The following EVI5 variants were observed in gnomAD, a reference collection of about 807,000 sequenced individuals.
EVI5 encodes ecotropic viral integration site 5, also known as ecotropic viral integration site 5 protein homolog.
In EVI5, 73 loss-of-function variants were observed where a neutral mutation model predicts 112.0. The ratio of observed to expected loss-of-function variants is 0.65; its 90% CI spans 0.54 to 0.79. The LOEUF (loss-of-function observed/expected upper bound fraction) is 0.79, where lower values mean the gene tolerates loss of function less well. EVI5 is among the 30% of genes least tolerant of loss of function. The probability of loss-of-function intolerance (pLI) is 0.00; values close to 1 mark genes in which losing one functional copy is unlikely to be tolerated. For missense variants in EVI5, 900 were observed against 968.8 expected, an observed-to-expected ratio of 0.93 and a Z score of 0.94; for synonymous variants, 305 against 319.9, an observed-to-expected ratio of 0.95 and a Z score of 0.50.
At chr1:92,757,074 G>A in intron 1 of EVI5, 1 of 173,878 alleles carries the variant, frequency 5.8e-6, no homozygotes, top group South Asian at 1.4e-4. Context: ...GAACTCTTCA[G>A]GTACCAGCAC....
intron 16 of EVI5, among the ~76,000 whole-genome samples, chr1:92,608,834 G>A (rs901420470): frequency 6.6e-6 from 1 of 152,086 alleles, no homozygotes; most frequent in Non-Finnish European, 1.5e-5. Context: ...TTTTTATGAA[G>A]CACACAGATT....
intron 19 of EVI5, among the ~76,000 whole-genome samples, chr1:92,537,423 G>A (rs1664081539): frequency 6.6e-6 from 1 of 152,068 alleles, no homozygotes; most frequent in Admixed American, 6.5e-5. Context: ...ACTTTTCATG[G>A]AAAGATCTAA....
chr1:92,627,132 C>A (rs1655852312), intron 14 of EVI5, among the ~76,000 whole-genome samples: 1 of 152,138 alleles, frequency 6.6e-6, no homozygotes, highest in Non-Finnish European at 1.5e-5. Context: ...ATACACTGCA[C>A]CTTATTTGTA....
chr1:92,771,417 C>T (rs1206522065), intron 1 of EVI5, among the ~76,000 whole-genome samples: 1 of 143,090 alleles, frequency 7.0e-6, no homozygotes, highest in Non-Finnish European at 1.5e-5. Flanking sequence ...TCTTTTCCTC[C>T]ACAGTGTTCA....
Position 92,631,506 on chromosome 1 carries a change from C to T in EVI5, c.1527+4696G>A, listed in dbSNP as rs556073411. ...TGTCTGTTATTGGTGTATAAGAATG[C>T]TTGTGGTTTTTGCACACTGATTTTG... On this transcript the variant is annotated intron_variant, in intron 14 of 19. Coordinates refer to ENST00000684568, the MANE Select transcript of EVI5 (RefSeq NM_001350197.2). Among the ~76,000 whole-genome samples the T allele has an allele frequency of 1.8e-4, 28 of 152,258 alleles. No homozygotes were observed. The South Asian group carries it at 3.3e-3, about 18-fold the overall frequency.
At chr1:92,613,856 G>A (rs1333766851) in intron 16 of EVI5, among the ~76,000 whole-genome samples, 1 of 152,216 alleles carries the variant, frequency 6.6e-6, no homozygotes, top group Non-Finnish European at 1.5e-5. Context: ...CTCCCAAAGT[G>A]TTGGGGATTA....
intron 1 of EVI5, among the ~76,000 whole-genome samples, chr1:92,745,473 G>C (rs968280101): frequency 9.9e-5 from 15 of 152,082 alleles, no homozygotes; most frequent in African/African-American, 3.6e-4. Flanking sequence ...TGCTTACACT[G>C]TTATATTATA....
intron 12 of EVI5, 52 bp downstream of exon 12, chr1:92,663,368 T>A (rs1157734713): frequency 1.7e-5 from 15 of 900,420 alleles, no homozygotes; most frequent in Non-Finnish European, 2.4e-5. Flanking sequence ...AGGACTTTCC[T>A]TAGAAGTTAG....
chr1:92,569,630 C>T (rs945691049), intron 18 of EVI5, among the ~76,000 whole-genome samples: 33 of 151,834 alleles, frequency 2.2e-4, no homozygotes, highest in South Asian at 2.1e-4. Flanking sequence ...CCGAGGCAGG[C>T]GGATCACGAG....
At chr1:92,783,483 TAAAAAAAA>T (rs774619273) in intron 1 of EVI5, among the ~76,000 whole-genome samples, 24 of 24,262 alleles carry the variant, frequency 9.9e-4, no homozygotes, top group African/African-American at 3.5e-3. Flanking sequence ...GACTCAGCCT[TAAAAAAAA>T]AAAAAAAAAA....
At chr1:92,659,166 AG>A (rs1215457743) in intron 13 of EVI5, among the ~76,000 whole-genome samples, 4 of 152,180 alleles carry the variant, frequency 2.6e-5, no homozygotes, top group Admixed American at 6.5e-5. Context: ...AAACCTGGGA[AG>A]AACCTATCTG....
chr1:92,756,828 G>A (rs973510852), intron 1 of EVI5: 2 of 513,354 alleles, frequency 3.9e-6, no homozygotes, highest in Non-Finnish European at 4.0e-6. Context: ...TTGGGCACAT[G>A]CGCACTGGTA....
chr1:92,668,622 T>C (rs1572200424), intron 10 of EVI5, among the ~76,000 whole-genome samples: 1 of 152,312 alleles, frequency 6.6e-6, no homozygotes, highest in East Asian at 1.9e-4. Flanking sequence ...TCATTATAAA[T>C]AAAAATCTAA....
In EVI5 at chr1:92,727,000, A is replaced by G. The variant is rs919856984; in HGVS notation, c.149+9398T>C. ...AAAGATGGCAGAATTAAAGGAAACA[A>G]TATAAGACAAGTTTAAATATAACAA... On this transcript the variant is annotated intron_variant, in intron 2 of 19. Transcript: ENST00000684568. Among the ~76,000 whole-genome samples the G allele has an allele frequency of 2.6e-5, 4 of 152,208 alleles. No homozygotes were observed. In the East Asian group the frequency reaches 5.8e-4, roughly 22 times the overall value.
chr1:92,708,899 T>C (rs1308979056), intron 2 of EVI5, among the ~76,000 whole-genome samples: 1 of 152,114 alleles, frequency 6.6e-6, no homozygotes, highest in Non-Finnish European at 1.5e-5. Context: ...ATGAAATATC[T>C]AGAAGAAAGA....
intron 13 of EVI5, among the ~76,000 whole-genome samples, chr1:92,655,221 G>T (rs1285495509): frequency 6.6e-6 from 1 of 151,508 alleles, no homozygotes; most frequent in Admixed American, 6.6e-5. Flanking sequence ...CCTAAAATCA[G>T]CAAGAGAAAG....
intron 18 of EVI5, among the ~76,000 whole-genome samples, chr1:92,565,436 C>G (rs575060993): frequency 6.6e-6 from 1 of 152,172 alleles, no homozygotes; most frequent in Admixed American, 6.5e-5. Flanking sequence ...TAGTAATATC[C>G]AAGTATTTAC....
At chr1:92,783,060 A>C (rs1685068963) in intron 1 of EVI5, among the ~76,000 whole-genome samples, 1 of 152,034 alleles carries the variant, frequency 6.6e-6, no homozygotes, top group African/African-American at 2.4e-5. Context: ...GGCTCAAGTG[A>C]TCCACCTGCC....
chr1:92,647,328 A>G lies in EVI5; in HGVS notation c.1393-10992T>C, dbSNP rs147203728. ...GGTTTGTGGATTTGATCTTGGGGTGAAATTCTGAACGGTGCAGGAAGAATA... is the reference window on the plus strand; with the variant it reads ...GGTTTGTGGATTTGATCTTGGGGTGGAATTCTGAACGGTGCAGGAAGAATA... On this transcript the variant is annotated intron_variant, in intron 13 of 19. Transcript: ENST00000684568. 16 of 218,248 alleles carry G rather than the reference A, an allele frequency of 7.3e-5. No individual in the cohort carries two copies. The East Asian group carries it at 1.6e-3, about 22-fold the overall frequency. The allele number at this position is 218,248 out of a possible 1,614,324, so 13.5% of individuals were successfully genotyped here. A position where few individuals can be genotyped will look rare whatever the true frequency, so the allele number is the denominator to read the frequency against.
Sources: allele counts gnomAD v4.1 joint callset (sites outside exome capture counted in the v4.1 genomes callset), GRCh38; gene constraint gnomAD v4.1.1; transcripts MANE v1.5; gene names NCBI Gene and HGNC (gene_info 2026-07-23, HGNC 2026-07-21).